The following PITRM1 variants were observed in gnomAD, a reference collection of about 807,000 sequenced individuals.
PITRM1 encodes presequence protease, mitochondrial.
PITRM1 carries 100 observed loss-of-function variants against 129.9 expected under a neutral mutation model. That is an observed-to-expected ratio of 0.77 (90% CI 0.65 to 0.91). The LOEUF (loss-of-function observed/expected upper bound fraction) is 0.91. Among genes scored for constraint, PITRM1 ranks in the 40% least tolerant of loss-of-function variants. The probability of loss-of-function intolerance (pLI) is 0.00; values close to 1 mark genes in which losing one functional copy is unlikely to be tolerated. For missense variants in PITRM1, 1,471 were observed against 1,318.3 expected (o/e 1.12, Z -1.79); for synonymous variants, 591 against 508.8 (o/e 1.16, Z -2.17).
chr10:3,147,223 T>C lies in PITRM1; in HGVS notation c.2263A>G (p.Met755Val). 1.2e-6 allele frequency: 2 copies of C among 1,613,038 alleles called. No individual in the cohort carries two copies. The highest frequency in any genetic ancestry group is 1.7e-6 in the Non-Finnish European group (2 of 1,179,040). ...CTCAGGATGGGTTTGATATCTGTCA[T>C]TTCTGCAATCCTCTTCATCAGCCGC... ...QVRLMKRIAE[M>V]TDIKPILRKL... is the part of the protein sequence containing the mutation. The change falls in exon 20 of 27, where the codon ATG (methionine) becomes GTG (valine). Residue 755 changes from methionine to valine, a missense_variant. Transcript: ENST00000224949.
chr10:3,163,814 G>T lies in PITRM1; in HGVS notation c.702C>A (p.Val234=). The change falls in exon 7 of 27, where the codon GTC becomes GTA. Residue 234 remains valine (V), a synonymous_variant. Coordinates refer to ENST00000224949, the MANE Select transcript of PITRM1 (RefSeq NM_014889.4). The part of the protein sequence containing the change: ...RLLPDHTYSV[V]SGGDPLCIPE... ...GGATGCACAGTGGGTCACCCCCGGA[G>T]ACCACTGAGTACGTGTGGTCAGGAA... 1 of 1,612,936 alleles carries T rather than the reference G, an allele frequency of 6.2e-7. No individual in the cohort carries two copies. Among genetic ancestry groups the T allele is most frequent in the South Asian group, 1.1e-5 (1 of 90,908 alleles).
At position 3,157,479 on chromosome 10, in the gene PITRM1, G is replaced by C. The variant is rs1358749633; in HGVS notation, c.1303C>G (p.Gln435Glu). The C allele has an allele frequency of 1.2e-6, 2 of 1,610,894 alleles. No individual in the cohort carries two copies. The highest frequency in any genetic ancestry group is 1.7e-6 in the Non-Finnish European group (2 of 1,178,268). Residue 435 changes from glutamine (Q) to glutamate (E), a missense_variant, in exon 12 of 27, where the codon CAG (glutamine) becomes GAG (glutamate). By Grantham distance (29) the Gln-to-Glu change is conservative (BLOSUM62 2). Transcript: ENST00000224949. The part of the protein sequence containing the change: ...IEALLHKIEI[Q>E]MKHQSTSFGL... ...AAGCTGGTAGACTGATGTTTCATCT[G>C]TATTTCAATTTTATGAAGTAAAGCC... is the stretch of plus-strand genomic sequence containing the variant.
intron 1 of PITRM1, among the ~76,000 whole-genome samples, chr10:3,171,197 A>G (rs1564444583): frequency 6.7e-6 from 1 of 148,636 alleles, no homozygotes; most frequent in Non-Finnish European, 1.5e-5. Context: ...TTACCAATAT[A>G]AGGGCCTACA....
chr10:3,153,012 G>C (rs556266396), intron 14 of PITRM1, among the ~76,000 whole-genome samples: 23 of 152,354 alleles, frequency 1.5e-4, no homozygotes, highest in African/African-American at 4.6e-4. Context: ...TTACTACATA[G>C]TTTCCCATTC....
chr10:3,160,468 A>G (rs1254007563), intron 7 of PITRM1, 138 bp from the exon 8 acceptor site: 5 of 658,150 alleles, frequency 7.6e-6, no homozygotes, highest in Non-Finnish European at 1.3e-5. Context: ...ACCCTTACTC[A>G]ACCAAGGTCC....
chr10:3,139,141 A>G (rs1024484328), intron 24 of PITRM1, 92 bp from the exon 25 acceptor site: 6 of 1,044,416 alleles, frequency 5.7e-6, no homozygotes, highest in South Asian at 1.4e-5. Flanking sequence ...AACATCTTCT[A>G]TGGGTTAACA....
chr10:3,159,090 A>G, intron 9 of PITRM1, 48 bp from the exon 10 acceptor site: 1 of 1,529,588 alleles, frequency 6.5e-7, no homozygotes, highest in Non-Finnish European at 8.9e-7. Flanking sequence ...GAGTAAAGGG[A>G]AAATTACTGG....
chr10:3,162,049 G>A (rs575696786), intron 7 of PITRM1, among the ~76,000 whole-genome samples: 2 of 151,642 alleles, frequency 1.3e-5, no homozygotes, highest in East Asian at 1.9e-4. Context: ...GCGTGCGCCT[G>A]TAGTCCCAGC....
At chr10:3,160,489 C>T (rs536470389) in intron 7 of PITRM1, among the ~76,000 whole-genome samples, 159 bp from the exon 8 acceptor site, 9 of 152,292 alleles carry the variant, frequency 5.9e-5, no homozygotes, top group African/African-American at 1.9e-4. Flanking sequence ...AAAAATATCA[C>T]GGTACTTCGA....
chr10:3,143,695 G>A, intron 22 of PITRM1, 194 bp from the exon 23 acceptor site: 1 of 709,198 alleles, frequency 1.4e-6, no homozygotes, highest in Non-Finnish European at 2.6e-6. Context: ...GCAAGGCACT[G>A]CAGTTCCGTC....
rs1391744129 is a variant in PITRM1 at position 3,144,377 on chromosome 10, A to C, written c.2458-11T>G. 1.3e-6 allele frequency: 2 copies of C among 1,524,752 alleles called. No individual in the cohort carries two copies. The highest frequency in any genetic ancestry group is 1.8e-6 in the Non-Finnish European group (2 of 1,125,756). 94.5% of individuals were successfully genotyped at this position (1,524,752 alleles called of 1,614,324 possible). A position where few individuals can be genotyped will look rare whatever the true frequency, so the allele number is the denominator to read the frequency against. On this transcript the variant is annotated splice_polypyrimidine_tract_variant and intron_variant, in intron 21 of 26. Coordinates refer to ENST00000224949, the MANE Select transcript of PITRM1 (RefSeq NM_014889.4). The stretch of plus-strand genomic sequence containing the variant: ...GCTGGGCACAGGTTTCTGAAAATCA[A>C]GTTTCCAAGAGAAAAGAGAAAAATC...
At chr10:3,149,468 A>G in intron 16 of PITRM1, 153 bp downstream of exon 16, 2 of 667,850 alleles carry the variant, frequency 3.0e-6, no homozygotes, top group Non-Finnish European at 4.8e-6. Flanking sequence ...ACTTTCATAA[A>G]AAATTCTAAA....
At position 3,163,724 on chromosome 10, in the gene PITRM1, C is replaced by T. The variant is rs1473873659; in HGVS notation, c.791+1G>A. On this transcript the variant is annotated splice_donor_variant, in intron 7 of 26. Transcript: ENST00000224949. LOFTEE classifies it high-confidence loss of function. ...ATCAAACTTTTCCAACAAAATATTA[C>T]CTAGCATTGCTTGGGTGATAGTGAG... 1 of 1,600,498 alleles carries T rather than the reference C, an allele frequency of 6.2e-7. No individual in the cohort carries two copies. The highest frequency in any genetic ancestry group is 8.5e-7 in the Non-Finnish European group (1 of 1,173,816).
rs762563882 is a variant in PITRM1 at position 3,147,734 on chromosome 10, C to T, written c.2073G>A (p.Pro691=). 1.6e-5 allele frequency: 25 copies of T among 1,583,136 alleles called. No homozygotes were observed. Among genetic ancestry groups the T allele is most frequent in the East Asian group, 2.2e-5 (1 of 44,698 alleles). ...TGAAGTGCTCCTCTTCTTCAAAGCA[C>T]GGGCTATGGAAAAAGGAGAAGAAAA... is the stretch of plus-strand genomic sequence containing the variant. ...MQLWSEIFNN[P]CFEEEEHFKV... is the part of the protein sequence containing the mutation. Residue 691 remains proline (P), a synonymous_variant, in exon 19 of 27, where the codon CCG becomes CCA. Coordinates refer to ENST00000224949, the MANE Select transcript of PITRM1 (RefSeq NM_014889.4).
chr10:3,149,436 T>A (rs753535089), intron 16 of PITRM1, 185 bp downstream of exon 16: 1 of 504,734 alleles, frequency 2.0e-6, no homozygotes, highest in Non-Finnish European at 3.4e-6. Flanking sequence ...ACTATTTCAA[T>A]GTAATATAGT....
intron 2 of PITRM1, among the ~76,000 whole-genome samples, chr10:3,168,145 A>G (rs540654934): frequency 6.6e-6 from 1 of 152,164 alleles, no homozygotes; most frequent in South Asian, 2.1e-4. Context: ...CGCACACAGT[A>G]AGTCGCTGGC....
At chr10:3,143,295 T>G in intron 23 of PITRM1, 94 bp downstream of exon 23, 2 of 765,550 alleles carry the variant, frequency 2.6e-6, no homozygotes, top group Non-Finnish European at 4.6e-6. Flanking sequence ...CACAGACTTT[T>G]CCTGTGCTAA....
chr10:3,145,668 C>A lies in PITRM1; in HGVS notation c.2385G>T (p.Ala795=), dbSNP rs778038279. 11 of 1,551,136 alleles carry A rather than the reference C, an allele frequency of 7.1e-6. No individual in the cohort carries two copies. The highest frequency in any genetic ancestry group is 9.6e-6 in the Non-Finnish European group (11 of 1,147,080). Residue 795 remains alanine, a synonymous_variant, in exon 21 of 27, where the codon GCG becomes GCT. Coordinates refer to ENST00000224949, the MANE Select transcript of PITRM1 (RefSeq NM_014889.4). ...CGATGCTTCTAAGGAAGTCTTCGAC[C>A]GCTTTTTCTGTCTGAGGCATCTGCT... ...TPQQMPQTEK[A]VEDFLRSIGR... is the part of the protein sequence containing the mutation.
intron 23 of PITRM1, among the ~76,000 whole-genome samples, chr10:3,142,799 G>A (rs931748743): frequency 2.0e-5 from 3 of 152,270 alleles, no homozygotes; most frequent in East Asian, 1.9e-4. Context: ...ACTGTGAGGC[G>A]GCCTCCAGCC....
Sources: gnomAD v4.1 joint callset for allele counts (sites outside exome capture counted in the v4.1 genomes callset) on GRCh38, gnomAD v4.1.1 for gene constraint, MANE v1.5 for transcripts, NCBI Gene and HGNC (gene_info 2026-07-23, HGNC 2026-07-21) for gene names.